Variants in LRP1B observed in about 807,000 individuals in gnomAD.
LRP1B encodes low-density lipoprotein receptor-related protein 1B.
In LRP1B, 217 loss-of-function variants were observed where a neutral mutation model predicts 556.6. That is an observed-to-expected ratio of 0.39 (90% CI 0.35 to 0.44). The LOEUF is 0.44. LRP1B is among the 20% of genes least tolerant of loss of function. The pLI is 1.00. For missense variants in LRP1B, 5,053 were observed against 5,620.8 expected, an observed-to-expected ratio of 0.90 and a Z score of 3.23; for synonymous variants, 2,047 against 1,865.8, an observed-to-expected ratio of 1.10 and a Z score of -2.50.
intron 41 of LRP1B, among the ~76,000 whole-genome samples, chr2:140,604,304 A>C (rs1313742208): frequency 6.6e-6 from 1 of 152,042 alleles, no homozygotes; most frequent in Non-Finnish European, 1.5e-5. Context: ...AGCATGAGTC[A>C]GGTCCTGACA....
At chr2:140,314,789 CATT>C in intron 83 of LRP1B, 143 bp downstream of exon 83, 1 of 574,712 alleles carries the variant, frequency 1.7e-6, no homozygotes, top group Admixed American at 3.9e-5. Flanking sequence ...GAACAAATGC[CATT>C]GATTTAATTT....
At chr2:141,391,117 T>A (rs1690035186) in intron 3 of LRP1B, among the ~76,000 whole-genome samples, 1 of 152,164 alleles carries the variant, frequency 6.6e-6, no homozygotes, top group East Asian at 1.9e-4. Flanking sequence ...CAGAAATGAA[T>A]GTTTAAGATG....
chr2:141,938,142 G>A (rs930485046), intron 1 of LRP1B, among the ~76,000 whole-genome samples: 2 of 151,848 alleles, frequency 1.3e-5, no homozygotes, highest in African/African-American at 4.8e-5. Flanking sequence ...CCTACCGAAG[G>A]AAACAATCAA....
intron 7 of LRP1B, among the ~76,000 whole-genome samples, chr2:141,134,804 T>C (rs1701450362): frequency 6.6e-6 from 1 of 151,912 alleles, no homozygotes; most frequent in South Asian, 2.1e-4. Context: ...GTACATGATT[T>C]CATAGTCACA....
intron 13 of LRP1B, among the ~76,000 whole-genome samples, chr2:141,015,460 C>A (rs1697874924): frequency 6.6e-6 from 1 of 151,994 alleles, no homozygotes; most frequent in Non-Finnish European, 1.5e-5. Flanking sequence ...ATCCTGAGAG[C>A]TGCTTTTAGA....
chr2:141,415,107 C>T (rs967349708), intron 3 of LRP1B, among the ~76,000 whole-genome samples: 3 of 152,122 alleles, frequency 2.0e-5, no homozygotes, highest in East Asian at 1.9e-4. Flanking sequence ...CTCCGCCTCC[C>T]GGGTTCACGC....
intron 9 of LRP1B, among the ~76,000 whole-genome samples, chr2:141,055,863 A>C: frequency 6.7e-6 from 1 of 149,972 alleles, no homozygotes; most frequent in Non-Finnish European, 1.5e-5. Context: ...GAGGCTGAGT[A>C]TATGTATAGA....
intron 16 of LRP1B, among the ~76,000 whole-genome samples, chr2:140,991,566 G>C (rs752777200): frequency 6.6e-6 from 1 of 151,994 alleles, no homozygotes; most frequent in Non-Finnish European, 1.5e-5. Flanking sequence ...GTGCTAGACC[G>C]AGAGACTACG....
intron 25 of LRP1B, among the ~76,000 whole-genome samples, chr2:140,879,822 C>T (rs1469961339): frequency 6.6e-6 from 1 of 151,784 alleles, no homozygotes; most frequent in Non-Finnish European, 1.5e-5. Context: ...TTCCTCCATT[C>T]ATGGATTAGT....
intron 2 of LRP1B, among the ~76,000 whole-genome samples, chr2:141,540,870 C>T (rs532735818): frequency 6.6e-6 from 1 of 151,978 alleles, no homozygotes; most frequent in African/African-American, 2.4e-5. Context: ...AATGCCATGT[C>T]AATAGTGGTG....
At chr2:141,524,941 G>A (rs960029311) in intron 2 of LRP1B, among the ~76,000 whole-genome samples, 5 of 152,078 alleles carry the variant, frequency 3.3e-5, no homozygotes, top group African/African-American at 1.2e-4. Flanking sequence ...CTAGTAATGA[G>A]CTAGATGTTT....
At chr2:141,416,248 T>G (rs974793377) in intron 3 of LRP1B, among the ~76,000 whole-genome samples, 3 of 152,168 alleles carry the variant, frequency 2.0e-5, no homozygotes, top group Non-Finnish European at 4.4e-5. Context: ...TACATGAGGT[T>G]GCCTGAGGTA....
At chr2:140,668,467 G>C (rs1007146373) in intron 41 of LRP1B, among the ~76,000 whole-genome samples, 1 of 150,288 alleles carries the variant, frequency 6.7e-6, no homozygotes, top group Non-Finnish European at 1.5e-5. Context: ...GAGATTTACT[G>C]TAGGCATGTT....
intron 7 of LRP1B, among the ~76,000 whole-genome samples, chr2:141,118,983 C>A (rs891814305): frequency 6.6e-6 from 1 of 151,848 alleles, no homozygotes; most frequent in African/African-American, 2.4e-5. Context: ...GCCTTCTCAG[C>A]AGATAGCTAA....
At chr2:141,619,304 C>T (rs6755592) in intron 2 of LRP1B, among the ~76,000 whole-genome samples, 55,730 of 152,054 alleles carry the variant, frequency 0.37, 10,484 homozygotes, top group East Asian at 0.53. Flanking sequence ...TAGTAATCTA[C>T]GAACTCTTTA....
chr2:140,792,676 A>G (rs937055638), intron 32 of LRP1B, among the ~76,000 whole-genome samples: 2 of 152,148 alleles, frequency 1.3e-5, no homozygotes, highest in African/African-American at 4.8e-5. Flanking sequence ...ATTTAAAAAG[A>G]AAAAAATAAG....
Position 140,863,146 on chromosome 2 carries a change from G to T in LRP1B, c.4579+4444C>A, listed in dbSNP as rs551597668. ...AAAATCAATCTCTCTATCTCTGTGTGTCTGTGTGTGTGTATATATATATAT... is the reference window on the plus strand; with the variant it reads ...AAAATCAATCTCTCTATCTCTGTGTTTCTGTGTGTGTGTATATATATATAT... On this transcript the variant is annotated intron_variant, in intron 27 of 90. Coordinates refer to ENST00000389484, the MANE Select transcript of LRP1B (RefSeq NM_018557.3). 6.6e-5 allele frequency among the ~76,000 whole-genome samples: 10 copies of T among 151,908 alleles called. No homozygotes were observed. In the South Asian group the frequency reaches 2.1e-3, roughly 32 times the overall value.
At chr2:140,744,839 C>G (rs372319688) in intron 35 of LRP1B, among the ~76,000 whole-genome samples, 4 of 152,240 alleles carry the variant, frequency 2.6e-5, no homozygotes, top group East Asian at 3.9e-4. Context: ...CTCTAGGATG[C>G]AAGCTCCAGG....
At chr2:141,829,559 T>C (rs1697044405) in intron 1 of LRP1B, among the ~76,000 whole-genome samples, 2 of 152,086 alleles carry the variant, frequency 1.3e-5, no homozygotes, top group Admixed American at 1.3e-4. Context: ...ATGAAAAATC[T>C]GGTGGATAAT....
Sources: gnomAD v4.1 joint callset for allele counts (sites outside exome capture counted in the v4.1 genomes callset) on GRCh38, gnomAD v4.1.1 for gene constraint, MANE v1.5 for transcripts, NCBI Gene and HGNC (gene_info 2026-07-23, HGNC 2026-07-21) for gene names.